Variants in SGMS2 observed in about 807,000 individuals in gnomAD.
SGMS2 encodes the protein phosphatidylcholine:ceramide cholinephosphotransferase 2.
A neutral mutation model predicts 43.8 loss-of-function variants in SGMS2; 21 were observed. The ratio of observed to expected loss-of-function variants is 0.48; its 90% CI spans 0.34 to 0.69. SGMS2 has a LOEUF of 0.69. SGMS2 is among the 30% of genes least tolerant of loss of function. The pLI is 0.01. For synonymous variants in SGMS2, 167 were observed against 160.6 expected (o/e 1.04, Z -0.30); for missense variants, 384 against 443.2 (o/e 0.87, Z 1.20).
At chr4:107,883,573 T>G (rs1729525527) in intron 2 of SGMS2, among the ~76,000 whole-genome samples, 2 of 152,134 alleles carry the variant, frequency 1.3e-5, no homozygotes, top group South Asian at 4.1e-4. Flanking sequence ...ACCTCAGCAC[T>G]GTTTTCTTCT....
At chr4:107,847,557 A>G (rs886628263) in intron 1 of SGMS2, among the ~76,000 whole-genome samples, 4 of 152,038 alleles carry the variant, frequency 2.6e-5, no homozygotes, top group African/African-American at 9.7e-5. Context: ...TGATGCCTCC[A>G]GCTTTGTTCT....
chr4:107,874,198 C>T (rs1223179879), intron 2 of SGMS2: 1 of 152,142 alleles, frequency 6.6e-6, no homozygotes, highest in Non-Finnish European at 1.5e-5. Context: ...CAAATAGACA[C>T]TCCACAATCA....
chr4:107,880,291 A>G (rs530159087), intron 2 of SGMS2, among the ~76,000 whole-genome samples: 31 of 152,358 alleles, frequency 2.0e-4, no homozygotes, highest in African/African-American at 7.2e-4. Context: ...TAGTTAAAGT[A>G]TAAAAACTTG....
rs748232037 is a variant in SGMS2, at chr4:107,903,236, A to G, written c.577A>G (p.Asn193Asp). The change falls in exon 5 of 7, where the codon AAT (asparagine) becomes GAT (aspartate). Residue 193 changes from asparagine (N) to aspartate (D), a missense_variant. Transcript: ENST00000690982. ...TTAATCTTCTTGTGTCATTCAGCTC[A>G]ATGGAGACTCTCAGGCAAAAGTTCA... The part of the protein sequence containing the change: ...GMHFQCAPKL[N>D]GDSQAKVQRI... 1.9e-6 allele frequency: 3 copies of G among 1,613,946 alleles called. No individual in the cohort carries two copies.
Position 107,890,380 on chromosome 4 carries a change from T to A in SGMS2, c.-244-4930T>A, listed in dbSNP as rs553756565. On this transcript the variant is annotated intron_variant, in intron 2 of 6. Coordinates refer to ENST00000690982, the MANE Select transcript of SGMS2 (RefSeq NM_001375905.1). ...AATCCAGTCAACTGAGAAGAAAAAA[T>A]TTAAAAAACGGGCGCTAGGCATGGT... Among the ~76,000 whole-genome samples the A allele has an allele frequency of 4.0e-5, 6 of 151,670 alleles. No individual in the cohort carries two copies. The East Asian group carries it at 1.2e-3, about 29-fold the overall frequency.
chr4:107,910,281 TTAAG>T, intron 6 of SGMS2, 65 bp from the exon 7 acceptor site: 2 of 1,344,196 alleles, frequency 1.5e-6, no homozygotes, highest in Middle Eastern at 2.3e-4. Context: ...GAATGACAAT[TTAAG>T]AAAATAATTG....
intron 1 of SGMS2, among the ~76,000 whole-genome samples, chr4:107,856,483 CATT>C (rs1266303435): frequency 6.6e-6 from 1 of 152,166 alleles, no homozygotes; most frequent in East Asian, 1.9e-4. Context: ...TTAGAAATAT[CATT>C]AATACCATGC....
At chr4:107,855,807 G>T (rs748534573) in intron 1 of SGMS2, among the ~76,000 whole-genome samples, 7 of 152,044 alleles carry the variant, frequency 4.6e-5, no homozygotes, top group Non-Finnish European at 8.8e-5. Flanking sequence ...TACTATTATT[G>T]TTTTGCAATC....
chr4:107,906,384 A>C (rs891625210), intron 5 of SGMS2, among the ~76,000 whole-genome samples: 1 of 152,190 alleles, frequency 6.6e-6, no homozygotes, highest in Non-Finnish European at 1.5e-5. Flanking sequence ...GTTCATGATA[A>C]AATTAGCCTG....
intron 5 of SGMS2, chr4:107,907,484 C>T (rs1383319987): frequency 6.6e-6 from 1 of 152,080 alleles, no homozygotes; most frequent in Non-Finnish European, 1.5e-5. Flanking sequence ...AATGGCGCAC[C>T]CCTGTAATCC....
rs1725485143 is a variant in SGMS2, at chr4:107,824,975, C to G, written c.-605C>G. ...GGCCGAGTGGGGCGGGGAGACCCAG[C>G]CCTCGGCGCGCACGGAGCCTGGCCG... On this transcript the variant is annotated 5_prime_UTR_variant, in exon 1 of 7. Coordinates refer to ENST00000690982, the MANE Select transcript of SGMS2 (RefSeq NM_001375905.1). The G allele has an allele frequency of 2.0e-5, 3 of 151,270 alleles. No homozygotes were observed. The highest frequency in any genetic ancestry group is 4.4e-5 in the Non-Finnish European group (3 of 67,830). 9.4% of individuals were successfully genotyped at this position (151,270 alleles called of 1,614,324 possible).
chr4:107,867,570 C>A (rs1002685936), intron 2 of SGMS2: 3 of 152,190 alleles, frequency 2.0e-5, no homozygotes, highest in African/African-American at 7.2e-5. Context: ...GTCAGAGCTA[C>A]CAAAGTACCA....
At chr4:107,888,895 T>A (rs1235827985) in intron 2 of SGMS2, among the ~76,000 whole-genome samples, 1 of 152,184 alleles carries the variant, frequency 6.6e-6, no homozygotes, top group East Asian at 1.9e-4. Flanking sequence ...ATTTTAATTG[T>A]TTATGTAGAT....
chr4:107,884,279 T>C (rs949953399), intron 2 of SGMS2, among the ~76,000 whole-genome samples: 7 of 152,196 alleles, frequency 4.6e-5, no homozygotes, highest in African/African-American at 1.7e-4. Flanking sequence ...TGATCTATAT[T>C]GATTTTCCAG....
intron 2 of SGMS2, among the ~76,000 whole-genome samples, chr4:107,885,757 A>AT (rs1729698784): frequency 1.3e-5 from 2 of 152,196 alleles, no homozygotes; most frequent in African/African-American, 4.8e-5. Context: ...GGAAGGTTAG[A>AT]TTTTGTTTAC....
In SGMS2 at chr4:107,910,471, G is replaced by T. The variant is rs1732029635; in HGVS notation, c.1016G>T (p.Trp339Leu). The T allele has an allele frequency of 1.2e-6, 2 of 1,613,786 alleles. No individual in the cohort carries two copies. Among genetic ancestry groups the T allele is most frequent in the African/African-American group, 1.3e-5 (1 of 74,864 alleles). ...IPCCFSWPLSWPPGCFKSSCK... is the reference protein window; with the variant it reads ...IPCCFSWPLSLPPGCFKSSCK... Reference sequence around the variant, plus strand: ...TGCTGCTTCTCCTGGCCGCTGTCTTGGCCTCCTGGCTGCTTCAAATCATCA... The same window carrying T: ...TGCTGCTTCTCCTGGCCGCTGTCTTTGCCTCCTGGCTGCTTCAAATCATCA... Residue 339 changes from tryptophan to leucine, a missense_variant, in exon 7 of 7, where the codon TGG becomes TTG. Physicochemically the swap from Trp to Leu is moderately conservative, Grantham distance 61 (BLOSUM62 -2). Transcript: ENST00000690982.
At chr4:107,854,488 A>G (rs769993504) in intron 1 of SGMS2, among the ~76,000 whole-genome samples, 5 of 152,200 alleles carry the variant, frequency 3.3e-5, no homozygotes, top group African/African-American at 7.2e-5. Flanking sequence ...TAGCCAGACA[A>G]TGGCTCTGAA....
intron 2 of SGMS2, among the ~76,000 whole-genome samples, chr4:107,892,547 CG>C (rs1315556253): frequency 6.6e-6 from 1 of 152,108 alleles, no homozygotes; most frequent in Non-Finnish European, 1.5e-5. Flanking sequence ...GACACAGCCT[CG>C]GGAGGTCTTG....
intron 1 of SGMS2, among the ~76,000 whole-genome samples, chr4:107,853,309 C>A (rs1727254951): frequency 6.6e-6 from 1 of 152,076 alleles, no homozygotes; most frequent in South Asian, 2.1e-4. Flanking sequence ...CTGCATTGGG[C>A]AGAGAGAAGT....
Sources: gnomAD v4.1 joint callset for allele counts (sites outside exome capture counted in the v4.1 genomes callset) on GRCh38, gnomAD v4.1.1 for gene constraint, MANE v1.5 for transcripts, NCBI Gene and HGNC (gene_info 2026-07-23, HGNC 2026-07-21) for gene names.